OSBP2: variants seen among roughly 807,000 people sequenced by gnomAD.
The protein encoded by OSBP2 is oxysterol binding protein 2.
Under a neutral mutation model 96.0 loss-of-function variants are expected in OSBP2, and 66 were observed. That is an observed-to-expected ratio of 0.69 (90% confidence interval 0.56 to 0.84). The LOEUF is 0.84. Among genes scored for constraint, OSBP2 ranks in the 40% least tolerant of loss-of-function variants. The pLI, the probability that OSBP2 is intolerant of heterozygous loss-of-function variation, is 0.00. For synonymous variants in OSBP2, 525 were observed against 520.9 expected (o/e 1.01, Z -0.11); for missense variants, 1,038 against 1,222.7 (o/e 0.85, Z 2.25).
chr22:30,712,347 T>C (rs988135874), intron 1 of OSBP2, among the ~76,000 whole-genome samples: 3 of 152,248 alleles, frequency 2.0e-5, no homozygotes, highest in South Asian at 4.2e-4. Context: ...TGAACTGAAA[T>C]GTGCTCAAGC....
At chr22:30,694,225 G>A (rs921377398), upstream of OSBP2, 5 of 1,549,702 alleles carry the variant, frequency 3.2e-6, no homozygotes, top group African/African-American at 6.8e-5. Flanking sequence ...GAACGATGTC[G>A]TCACTGGCAG....
At chr22:30,842,239 A>G (rs1024455420) in intron 2 of OSBP2, among the ~76,000 whole-genome samples, 3 of 152,230 alleles carry the variant, frequency 2.0e-5, no homozygotes, top group Non-Finnish European at 4.4e-5. Context: ...GCAGCCAACT[A>G]TGAACAATGC....
At chr22:30,771,534 A>G (rs1347538500) in intron 2 of OSBP2, among the ~76,000 whole-genome samples, 1 of 152,132 alleles carries the variant, frequency 6.6e-6, no homozygotes, top group East Asian at 1.9e-4. Context: ...CAAGGCTTCC[A>G]TGTGGTTCCA....
intron 8 of OSBP2, 105 bp downstream of exon 8, chr22:30,891,078 G>C (rs927979069): frequency 2.7e-5 from 38 of 1,393,404 alleles, no homozygotes; most frequent in Middle Eastern, 2.4e-4. Context: ...GTCTGACCCT[G>C]ACTGCCCATA....
chr22:30,811,761 G>T (rs2091010485), intron 2 of OSBP2, among the ~76,000 whole-genome samples: 1 of 151,700 alleles, frequency 6.6e-6, no homozygotes, highest in Admixed American at 6.6e-5. Flanking sequence ...CACCATGTTG[G>T]CCAGGCTGGT....
chr22:30,742,863 G>A (rs1032321128), intron 2 of OSBP2, among the ~76,000 whole-genome samples: 2 of 152,170 alleles, frequency 1.3e-5, no homozygotes, highest in Non-Finnish European at 1.5e-5. Context: ...CAGGAAGCCG[G>A]CTTGCTGGGT....
At chr22:30,740,696 T>C (rs536062415) in intron 1 of OSBP2, among the ~76,000 whole-genome samples, 10 of 152,296 alleles carry the variant, frequency 6.6e-5, no homozygotes, top group Non-Finnish European at 1.5e-4. Context: ...TTTCACCGTG[T>C]TGGCTCATGA....
chr22:30,748,121 C>T (rs989663895), intron 2 of OSBP2, among the ~76,000 whole-genome samples: 1 of 151,940 alleles, frequency 6.6e-6, no homozygotes, highest in African/African-American at 2.4e-5. Context: ...AAATGATCCA[C>T]CCACCCCTGC....
chr22:30,768,722 T>A (rs2090309853), intron 2 of OSBP2, among the ~76,000 whole-genome samples: 1 of 152,136 alleles, frequency 6.6e-6, no homozygotes, highest in Non-Finnish European at 1.5e-5. Flanking sequence ...TTATTGCCAT[T>A]AAGGTAGTTT....
chr22:30,813,570 GC>G (rs1254598957), intron 2 of OSBP2, among the ~76,000 whole-genome samples: 6 of 151,982 alleles, frequency 3.9e-5, no homozygotes. Context: ...AAGCTATATA[GC>G]CATGCTGTCT....
At chr22:30,858,138 TGTTTGTTTG>T (rs2039119508) in intron 2 of OSBP2, among the ~76,000 whole-genome samples, 93 of 91,818 alleles carry the variant, frequency 1.0e-3, no homozygotes, top group East Asian at 2.6e-3. Flanking sequence ...TTTGTTTGTT[TGTTTGTTTG>T]TTTGTTTTTT....
intron 2 of OSBP2, among the ~76,000 whole-genome samples, chr22:30,795,200 T>G (rs1455117704): frequency 1.3e-5 from 2 of 151,982 alleles, no homozygotes; most frequent in Admixed American, 6.5e-5. Context: ...TGTAAGCCAC[T>G]GGGCCTGACC....
chr22:30,865,755 A>G (rs949284626), intron 2 of OSBP2, among the ~76,000 whole-genome samples: 3 of 151,872 alleles, frequency 2.0e-5, no homozygotes, highest in African/African-American at 7.3e-5. Flanking sequence ...CACTGGCCAC[A>G]CACCGGGTGG....
intron 12 of OSBP2, among the ~76,000 whole-genome samples, chr22:30,898,039 T>C (rs2040104786): frequency 6.6e-6 from 1 of 152,070 alleles, no homozygotes; most frequent in Non-Finnish European, 1.5e-5. Context: ...AATCATTTAA[T>C]GTTGAGGCTT....
chr22:30,768,629 A>T (rs965748623), intron 2 of OSBP2, among the ~76,000 whole-genome samples: 1 of 152,008 alleles, frequency 6.6e-6, no homozygotes, highest in African/African-American at 2.4e-5. Context: ...GTGAGCCAAG[A>T]TCACACCATT....
intron 2 of OSBP2, among the ~76,000 whole-genome samples, chr22:30,849,433 T>A (rs1032977574): frequency 1.3e-5 from 2 of 152,212 alleles, no homozygotes; most frequent in Non-Finnish European, 2.9e-5. Flanking sequence ...TAAGTTCACT[T>A]CTTCCTGTAG....
Position 30,871,129 on chromosome 22 carries a change from G to A in OSBP2, c.1107+447G>A, listed in dbSNP as rs1348084373. On this transcript the variant is annotated intron_variant, in intron 3 of 13. Coordinates refer to ENST00000332585, the MANE Select transcript of OSBP2 (RefSeq NM_030758.4). The surrounding 1 kb of genome is among the most constrained non-coding windows in gnomAD (Gnocchi z 4.7). ...GCTGTGCACAACAAGGGGAGGGTGT[G>A]GTGGGGGGCTGCAGTCGAGGGCTCC... Among the ~76,000 whole-genome samples the A allele has an allele frequency of 6.6e-6, 1 of 152,096 alleles. No individual in the cohort carries two copies. The highest frequency in any genetic ancestry group is 1.5e-5 in the Non-Finnish European group (1 of 68,012).
intron 2 of OSBP2, among the ~76,000 whole-genome samples, chr22:30,811,537 ATATT>A (rs970124047): frequency 3.8e-4 from 57 of 150,842 alleles, no homozygotes; most frequent in African/African-American, 1.3e-3. Flanking sequence ...TTTTTAATTT[ATATT>A]TATTTATTTG....
chr22:30,885,111 C>T (rs1432189421), intron 3 of OSBP2, among the ~76,000 whole-genome samples: 1 of 152,208 alleles, frequency 6.6e-6, no homozygotes, highest in Non-Finnish European at 1.5e-5. Flanking sequence ...ATTTCCTCAA[C>T]AGCTGCCTTG....
Sources: allele counts gnomAD v4.1 joint callset (sites outside exome capture counted in the v4.1 genomes callset), GRCh38; gene constraint gnomAD v4.1.1; non-coding constraint Gnocchi (gnomAD v3.1); transcripts MANE v1.5; gene names NCBI Gene and HGNC (gene_info 2026-07-23, HGNC 2026-07-21).